Variants in MAF observed in about 807,000 individuals in gnomAD.
MAF encodes the protein transcription factor Maf.
MAF carries 10 observed loss-of-function variants against 22.0 expected under a neutral mutation model. The observed-to-expected ratio is 0.45, with a 90% CI of 0.28 to 0.77. The LOEUF (loss-of-function observed/expected upper bound fraction) is 0.77, where lower values mean the gene tolerates loss of function less well. Ranked by LOEUF, MAF falls within the 30% of genes least tolerant of loss-of-function variation. The pLI is 0.12. For synonymous variants in MAF, 337 were observed against 255.8 expected, an observed-to-expected ratio of 1.32 and a Z score of -3.03; for missense variants, 544 against 548.4, an observed-to-expected ratio of 0.99 and a Z score of 0.08.
the MAF span, among the ~76,000 whole-genome samples, chr16:79,425,800 A>G: frequency 2.0e-5 from 3 of 152,238 alleles, no homozygotes; most frequent in South Asian, 6.2e-4. Flanking sequence ...CCAGTTTTAC[A>G]GAGAAGGAAC....
chr16:79,462,796 G>T, the MAF span, among the ~76,000 whole-genome samples: 2 of 152,200 alleles, frequency 1.3e-5, no homozygotes, highest in East Asian at 1.9e-4. Context: ...CAGGCACTCT[G>T]CTAGGTGCTA....
the MAF span, among the ~76,000 whole-genome samples, chr16:79,214,165 A>G: frequency 6.6e-6 from 1 of 150,888 alleles, no homozygotes; most frequent in Non-Finnish European, 1.5e-5. Flanking sequence ...CTTCCCCTCT[A>G]TTTTTTCTCC....
the MAF span, among the ~76,000 whole-genome samples, chr16:79,485,171 T>C: frequency 1.3e-5 from 2 of 152,200 alleles, no homozygotes; most frequent in South Asian, 2.1e-4. Flanking sequence ...AAAGGCTGTG[T>C]TCAAACCCCA....
the MAF span, among the ~76,000 whole-genome samples, chr16:79,219,460 A>G: frequency 2.7e-5 from 4 of 148,322 alleles, no homozygotes; most frequent in Non-Finnish European, 4.5e-5. Context: ...CTGAGGCAGG[A>G]GAATGGCGTG....
At chr16:79,280,767 C>G in the MAF span, among the ~76,000 whole-genome samples, 1 of 152,230 alleles carries the variant, frequency 6.6e-6, no homozygotes, top group African/African-American at 2.4e-5. Context: ...CCTGGCTTCC[C>G]TGTCACTACA....
At chr16:79,339,812 A>G in the MAF span, among the ~76,000 whole-genome samples, 2 of 152,228 alleles carry the variant, frequency 1.3e-5, no homozygotes, top group Non-Finnish European at 2.9e-5. Flanking sequence ...AGAAACTTTT[A>G]ATCAGCCAGC....
chr16:79,395,109 G>A, the MAF span, among the ~76,000 whole-genome samples: 831 of 152,290 alleles, frequency 5.5e-3, 7 homozygotes, highest in Non-Finnish European at 8.2e-3. Flanking sequence ...AAGAGCCAAG[G>A]GCCTGGAGGT....
At chr16:79,384,148 T>A in the MAF span, among the ~76,000 whole-genome samples, 1 of 151,856 alleles carries the variant, frequency 6.6e-6, no homozygotes, top group Non-Finnish European at 1.5e-5. Context: ...AGCATTGTTT[T>A]AAAAAAAAGT....
chr16:79,361,706 A>T, the MAF span, among the ~76,000 whole-genome samples: 1 of 123,340 alleles, frequency 8.1e-6, no homozygotes, highest in Non-Finnish European at 1.9e-5. Flanking sequence ...GTTGTTTTAT[A>T]TACAGATTTG....
At chr16:79,415,036 A>G in the MAF span, among the ~76,000 whole-genome samples, 1 of 152,162 alleles carries the variant, frequency 6.6e-6, no homozygotes, top group East Asian at 1.9e-4. Flanking sequence ...TTTGCATTTC[A>G]TTGAACAAAA....
the MAF span, among the ~76,000 whole-genome samples, chr16:79,392,028 G>A: frequency 6.7e-6 from 1 of 148,384 alleles, no homozygotes. Context: ...AGAGAGAGAG[G>A]GAAGAATGAG....
the MAF span, among the ~76,000 whole-genome samples, chr16:79,270,801 G>T: frequency 1.3e-5 from 2 of 152,074 alleles, no homozygotes; most frequent in Non-Finnish European, 2.9e-5. Flanking sequence ...TGGCTTGGGA[G>T]GTCACCATGC....
the MAF span, among the ~76,000 whole-genome samples, chr16:79,247,402 G>A: frequency 1.3e-5 from 2 of 152,202 alleles, no homozygotes; most frequent in Non-Finnish European, 2.9e-5. Context: ...TCTCCTTGCC[G>A]ATGATCTCAA....
chr16:79,230,485 G>T, the MAF span, among the ~76,000 whole-genome samples: 1 of 152,154 alleles, frequency 6.6e-6, no homozygotes, highest in Non-Finnish European at 1.5e-5. Flanking sequence ...AATTAGGTAA[G>T]ACCATTGATT....
the MAF span, among the ~76,000 whole-genome samples, chr16:79,420,210 A>G: frequency 2.0e-5 from 3 of 152,172 alleles, no homozygotes; most frequent in Non-Finnish European, 2.9e-5. Flanking sequence ...GATCCCTCAG[A>G]TGTGCTGTTT....
At chr16:79,596,520 T>C in intron 1 of MAF, 1 of 1,049,936 alleles carries the variant, frequency 9.5e-7, no homozygotes, top group Non-Finnish European at 1.2e-6. Flanking sequence ...TATTCTTTTC[T>C]TGATATAACC....
the MAF span, among the ~76,000 whole-genome samples, chr16:79,334,554 T>A: frequency 4.6e-5 from 7 of 152,324 alleles, no homozygotes; most frequent in Admixed American, 4.6e-4. Context: ...ATTGTATGAT[T>A]AATTTGCAAG....
At chr16:79,272,463 G>A in the MAF span, among the ~76,000 whole-genome samples, 3 of 152,164 alleles carry the variant, frequency 2.0e-5, no homozygotes, top group African/African-American at 7.2e-5. Flanking sequence ...AGACATCAGT[G>A]GAGGGGGAGG....
chr16:79,598,127 C>G (rs1450932332), intron 1 of MAF: 11 of 1,044,742 alleles, frequency 1.1e-5, no homozygotes, highest in Admixed American at 5.6e-5. Context: ...CAAGCTCAAT[C>G]TCACATGAAG....
Sources: allele counts gnomAD v4.1 joint callset (sites outside exome capture counted in the v4.1 genomes callset), GRCh38; gene constraint gnomAD v4.1.1; transcripts MANE v1.5; gene names NCBI Gene and HGNC (gene_info 2026-07-23, HGNC 2026-07-21).